Variants in CEP70 observed in about 807,000 individuals in gnomAD.
CEP70 encodes centrosomal protein 70, also known as centrosomal protein of 70 kDa.
A neutral mutation model predicts 90.9 loss-of-function variants in CEP70; 70 were observed. The ratio of observed to expected loss-of-function variants is 0.77; its 90% CI spans 0.64 to 0.94. The LOEUF (loss-of-function observed/expected upper bound fraction) is 0.94, where lower values mean the gene tolerates loss of function less well. CEP70 is among the 40% of genes least tolerant of loss of function. The pLI is 0.00. For missense variants in CEP70, 648 were observed against 669.0 expected, an observed-to-expected ratio of 0.97 and a Z score of 0.35; for synonymous variants, 220 against 228.3, an observed-to-expected ratio of 0.96 and a Z score of 0.33.
At chr3:138,497,658 T>A (rs1230005585) in intron 17 of CEP70, 10 of 976,448 alleles carry the variant, frequency 1.0e-5, no homozygotes, top group Non-Finnish European at 1.2e-5. Flanking sequence ...ATTTAAAAAA[T>A]TTTGTAGATA....
intron 10 of CEP70, among the ~76,000 whole-genome samples, chr3:138,527,802 C>T (rs1205898948): frequency 6.6e-6 from 1 of 152,008 alleles, no homozygotes; most frequent in African/African-American, 2.4e-5. Context: ...AATCCTCCTA[C>T]CTGGGCTTCC....
At chr3:138,496,347 C>T (rs2033956725) in intron 17 of CEP70, 3 of 985,210 alleles carry the variant, frequency 3.0e-6, no homozygotes, top group Admixed American at 6.1e-5. Flanking sequence ...AGTCAGAATA[C>T]TTGTCTGAAC....
At chr3:138,537,155 A>T (rs2038346376) in intron 7 of CEP70, 23 bp downstream of exon 7, 2 of 1,473,646 alleles carry the variant, frequency 1.4e-6, no homozygotes, top group African/African-American at 1.4e-5. Context: ...CTAGCTACAT[A>T]TCAATTTATG....
chr3:138,506,182 G>A (rs940445424), intron 12 of CEP70, among the ~76,000 whole-genome samples: 1 of 152,064 alleles, frequency 6.6e-6, no homozygotes, highest in Non-Finnish European at 1.5e-5. Flanking sequence ...ACTATTTAAG[G>A]AAATTAACAG....
intron 8 of CEP70, among the ~76,000 whole-genome samples, chr3:138,530,141 G>A (rs1252134277): frequency 6.6e-6 from 1 of 152,208 alleles, no homozygotes; most frequent in Non-Finnish European, 1.5e-5. Context: ...AACTATCACT[G>A]TGATGTCCTA....
At chr3:138,527,357 T>G (rs1471404315) in intron 10 of CEP70, among the ~76,000 whole-genome samples, 6 of 151,114 alleles carry the variant, frequency 4.0e-5, no homozygotes, top group Admixed American at 4.0e-4. Context: ...TATGGAACGC[T>G]TCATGAATTT....
intron 11 of CEP70, among the ~76,000 whole-genome samples, chr3:138,511,335 A>G (rs1481825383): frequency 6.6e-6 from 1 of 152,252 alleles, no homozygotes; most frequent in Admixed American, 6.5e-5. Context: ...CTTCCTATTT[A>G]CTACATTCAC....
At chr3:138,587,218 A>G (rs1376413251) in intron 2 of CEP70, among the ~76,000 whole-genome samples, 1 of 152,076 alleles carries the variant, frequency 6.6e-6, no homozygotes, top group Non-Finnish European at 1.5e-5. Context: ...TGAAGATTAA[A>G]GAAGGAAAAT....
chr3:138,515,100 G>A (rs1482059638), intron 11 of CEP70, among the ~76,000 whole-genome samples: 1 of 151,958 alleles, frequency 6.6e-6, no homozygotes, highest in African/African-American at 2.4e-5. Flanking sequence ...ATTATTCATG[G>A]TAGTTATGTT....
intron 6 of CEP70, among the ~76,000 whole-genome samples, chr3:138,560,133 G>A (rs1040295693): frequency 6.6e-6 from 1 of 152,194 alleles, no homozygotes; most frequent in African/African-American, 2.4e-5. Flanking sequence ...CAGAAGGCGG[G>A]TGATTTCTGC....
intron 11 of CEP70, among the ~76,000 whole-genome samples, chr3:138,524,927 G>A (rs1216999318): frequency 6.6e-6 from 1 of 152,150 alleles, no homozygotes; most frequent in Non-Finnish European, 1.5e-5. Flanking sequence ...TATACCCAAA[G>A]GATAATAAAT....
intron 6 of CEP70, among the ~76,000 whole-genome samples, chr3:138,551,057 C>T (rs998496569): frequency 1.3e-5 from 2 of 152,130 alleles, no homozygotes; most frequent in Non-Finnish European, 2.9e-5. Flanking sequence ...ATTGCCTAGG[C>T]ACATTGTCAT....
intron 2 of CEP70, among the ~76,000 whole-genome samples, chr3:138,581,576 G>C (rs75331859): frequency 0.01 from 1,559 of 151,270 alleles, 27 homozygotes; most frequent in African/African-American, 0.037. Flanking sequence ...AGTGGCACAC[G>C]CATGTAATCC....
chr3:138,500,993 A>T, intron 13 of CEP70, 112 bp from the exon 14 acceptor site: 2 of 386,752 alleles, frequency 5.2e-6, no homozygotes, highest in Non-Finnish European at 8.3e-6. Flanking sequence ...GTTTTATAAA[A>T]TTAATAAAAC....
At chr3:138,522,232 G>A (rs1669268838) in intron 11 of CEP70, among the ~76,000 whole-genome samples, 1 of 150,128 alleles carries the variant, frequency 6.7e-6, no homozygotes, top group Admixed American at 6.6e-5. Context: ...ATTGTCCTAT[G>A]ACCCTGCCAA....
chr3:138,520,337 T>C (rs964384205), intron 11 of CEP70, among the ~76,000 whole-genome samples: 8 of 152,156 alleles, frequency 5.3e-5, no homozygotes, highest in African/African-American at 1.9e-4. Context: ...GCGGACCTAA[T>C]AGACATCTAC....
At chr3:138,555,399 A>T (rs963243841) in intron 6 of CEP70, among the ~76,000 whole-genome samples, 2 of 152,170 alleles carry the variant, frequency 1.3e-5, no homozygotes, top group Admixed American at 6.5e-5. Context: ...CTCAAAAGCA[A>T]ATGAAACACA....
intron 2 of CEP70, among the ~76,000 whole-genome samples, chr3:138,589,371 T>G (rs12636910): frequency 0.44 from 67,326 of 151,736 alleles, 16,986 homozygotes; most frequent in Admixed American, 0.6. Context: ...AAGAAAAAAT[T>G]TGGCTGGGCG....
chr3:138,560,562 C>T (rs754444237), intron 6 of CEP70, among the ~76,000 whole-genome samples: 17 of 151,862 alleles, frequency 1.1e-4, no homozygotes, highest in Middle Eastern at 3.4e-3. Flanking sequence ...AGCCAGGGAG[C>T]CAAGAGGTCT....
Sources: allele counts gnomAD v4.1 joint callset (sites outside exome capture counted in the v4.1 genomes callset), GRCh38; gene constraint gnomAD v4.1.1; transcripts MANE v1.5; gene names NCBI Gene and HGNC (gene_info 2026-07-23, HGNC 2026-07-21).